PRKN: variants seen among roughly 807,000 people sequenced by gnomAD.
PRKN encodes the protein parkin RBR E3 ubiquitin protein ligase.
A neutral mutation model predicts 59.5 loss-of-function variants in PRKN; 56 were observed. The ratio of observed to expected loss-of-function variants is 0.94; its 90% CI spans 0.76 to 1.18. PRKN has a LOEUF of 1.18. PRKN is among the 50% of genes most tolerant of loss of function. The probability of loss-of-function intolerance (pLI) is 0.00; values close to 1 mark genes in which losing one functional copy is unlikely to be tolerated. For synonymous variants in PRKN, 250 were observed against 222.1 expected (o/e 1.13, Z -1.12); for missense variants, 657 against 596.4 (o/e 1.10, Z -1.06).
rs1469936567 is a variant in PRKN, at chr6:161,527,005, T to G, written c.1083+21849A>C. ...AACAAAGGCTATCTTGTTATACCGA[T>G]AGAAAGCCTCAGGAGTAGTAAAAGT... On this transcript the variant is annotated intron_variant, in intron 9 of 11. Transcript: ENST00000366898. This position sits in a 1 kb window ranked among gnomAD's most constrained non-coding sequence, Gnocchi z 4.6. Among the ~76,000 whole-genome samples, 1 of 152,174 alleles carries G rather than the reference T, an allele frequency of 6.6e-6. No homozygotes were observed. The highest frequency in any genetic ancestry group is 1.5e-5 in the Non-Finnish European group (1 of 68,034).
chr6:161,536,804 T>C (rs1281276194), intron 9 of PRKN, among the ~76,000 whole-genome samples: 4 of 152,216 alleles, frequency 2.6e-5, no homozygotes, highest in African/African-American at 9.6e-5. Context: ...TGTGCTTTTC[T>C]GAGGTCTTGC....
intron 4 of PRKN, among the ~76,000 whole-genome samples, chr6:162,098,830 G>T (rs886315690): frequency 1.4e-4 from 21 of 152,276 alleles, no homozygotes; most frequent in African/African-American, 5.1e-4. Flanking sequence ...AGCCTTGCAG[G>T]CTCAGGAAAG....
At chr6:162,507,518 A>G (rs192585031) in intron 1 of PRKN, among the ~76,000 whole-genome samples, 7 of 152,330 alleles carry the variant, frequency 4.6e-5, no homozygotes, top group African/African-American at 9.6e-5. Flanking sequence ...CTCAAATTCT[A>G]TTCAATGATT....
intron 7 of PRKN, among the ~76,000 whole-genome samples, chr6:161,754,001 G>A (rs563585871): frequency 7.8e-4 from 119 of 152,188 alleles, no homozygotes; most frequent in African/African-American, 7.9e-4. Context: ...GATCCCAGAC[G>A]GTGCCCAGTG....
rs76108469 is a variant in PRKN, at chr6:161,630,672, C to A, written c.872-61256G>T. On this transcript the variant is annotated intron_variant, in intron 7 of 11. Coordinates refer to ENST00000366898, the MANE Select transcript of PRKN (RefSeq NM_004562.3). The stretch of plus-strand genomic sequence containing the variant: ...TATGGCGCTCTCTGGATACCCTCTC[C>A]GCAGGCATCCACGGTTTTCTCTTGT... Among the ~76,000 whole-genome samples, 371 of 152,204 alleles carry A rather than the reference C, an allele frequency of 2.4e-3. 4 individuals are homozygous for A. Among genetic ancestry groups the A allele is most frequent in the African/African-American group, 8.6e-3 (356 of 41,538 alleles).
intron 7 of PRKN, among the ~76,000 whole-genome samples, chr6:161,670,619 T>C (rs914379340): frequency 6.6e-6 from 1 of 152,094 alleles, no homozygotes; most frequent in Non-Finnish European, 1.5e-5. Flanking sequence ...ATCGAGACCA[T>C]CCTGGCTAAC....
rs1269196221 is a variant in PRKN at position 162,339,025 on chromosome 6, C to T, written c.172-76260G>A. ...GAGACCCTCTGCCCGGCAACCACCCCGTCTGAGAAGTGAGGAGCCCCTCCG... is the reference window on the plus strand; with the variant it reads ...GAGACCCTCTGCCCGGCAACCACCCTGTCTGAGAAGTGAGGAGCCCCTCCG... On this transcript the variant is annotated intron_variant, in intron 2 of 11. Coordinates refer to ENST00000366898, the MANE Select transcript of PRKN (RefSeq NM_004562.3). 3.3e-5 allele frequency among the ~76,000 whole-genome samples: 5 copies of T among 149,766 alleles called. 1 individual carries two copies. The highest frequency in any genetic ancestry group is 6.0e-5 in the Non-Finnish European group (4 of 67,222).
chr6:161,980,516 T>C (rs1781220998), intron 5 of PRKN, among the ~76,000 whole-genome samples: 2 of 152,164 alleles, frequency 1.3e-5, no homozygotes, highest in Admixed American at 6.5e-5. Flanking sequence ...ACAGAAGAAC[T>C]AAACAGAGAA....
intron 4 of PRKN, among the ~76,000 whole-genome samples, chr6:162,121,112 C>A (rs1441876967): frequency 6.6e-6 from 1 of 152,160 alleles, no homozygotes; most frequent in Non-Finnish European, 1.5e-5. Context: ...CCACATAGCA[C>A]CTGCACTTTT....
chr6:162,364,977 CTCTT>C lies in PRKN; in HGVS notation c.171+78329_171+78332del, dbSNP rs1415920363. 2.0e-4 allele frequency among the ~76,000 whole-genome samples: 27 copies of C among 138,180 alleles called. 1 individual carries two copies. Among genetic ancestry groups the C allele is most frequent in the East Asian group, 8.1e-4 (4 of 4,936 alleles). 90.7% of individuals were successfully genotyped at this position (138,180 alleles called of 152,430 possible). ...CTCTCTTCTCCCTCTCTCTCTCTCT[CTCTT>C]TTTTTTTTTTTTTTGCCAATATGTA... On this transcript the variant is annotated intron_variant, in intron 2 of 11. Coordinates refer to ENST00000366898, the MANE Select transcript of PRKN (RefSeq NM_004562.3).
At chr6:161,687,445 CT>C (rs895940232) in intron 7 of PRKN, among the ~76,000 whole-genome samples, 27 of 125,272 alleles carry the variant, frequency 2.2e-4, no homozygotes, top group African/African-American at 6.6e-4. Flanking sequence ...TAAGATATAT[CT>C]TTTTTTTTAA....
intron 2 of PRKN, among the ~76,000 whole-genome samples, chr6:162,347,862 C>T (rs1405982559): frequency 6.6e-6 from 1 of 152,020 alleles, no homozygotes; most frequent in Non-Finnish European, 1.5e-5. Context: ...ACTAACAATC[C>T]CTAAGAGACA....
Position 161,607,896 on chromosome 6 carries a change from C to T in PRKN, c.872-38480G>A, listed in dbSNP as rs1400372491. 3.3e-5 allele frequency among the ~76,000 whole-genome samples: 5 copies of T among 152,142 alleles called. No homozygotes were observed. In the East Asian group the frequency reaches 7.7e-4, roughly 23 times the overall value. On this transcript the variant is annotated intron_variant, in intron 7 of 11. Coordinates refer to ENST00000366898, the MANE Select transcript of PRKN (RefSeq NM_004562.3). ...AAATGGATGATGGGCTGGGGGAGAA[C>T]AGGAACAAGAATCAGAATGGCCTTG...
At chr6:162,026,448 C>T (rs894551165) in intron 5 of PRKN, among the ~76,000 whole-genome samples, 1 of 152,196 alleles carries the variant, frequency 6.6e-6, no homozygotes, top group African/African-American at 2.4e-5. Context: ...TTCATGAACA[C>T]GTATGTCCTG....
intron 1 of PRKN, among the ~76,000 whole-genome samples, chr6:162,617,587 GC>G (rs1782483309): frequency 4.1e-5 from 1 of 24,398 alleles, no homozygotes; most frequent in Non-Finnish European, 7.7e-5. Flanking sequence ...CTTCTGTCTA[GC>G]TAGCTAGAAC....
At chr6:162,582,905 TATGGCTTAC>T (rs1289852148) in intron 1 of PRKN, among the ~76,000 whole-genome samples, 3 of 152,224 alleles carry the variant, frequency 2.0e-5, no homozygotes, top group African/African-American at 7.2e-5. Flanking sequence ...ATGTGATTGC[TATGGCTTAC>T]ATGTCTGTCC....
intron 6 of PRKN, among the ~76,000 whole-genome samples, chr6:161,896,339 C>T (rs565076285): frequency 1.3e-5 from 2 of 152,318 alleles, no homozygotes; most frequent in South Asian, 4.1e-4. Flanking sequence ...CTTCCATTCC[C>T]TGTCTTTTAG....
At chr6:162,224,674 C>A (rs1341606442) in intron 3 of PRKN, among the ~76,000 whole-genome samples, 4 of 149,996 alleles carry the variant, frequency 2.7e-5, no homozygotes, top group Non-Finnish European at 5.9e-5. Context: ...AGGAATCTAT[C>A]TTGAGGGAAG....
At chr6:161,612,893 T>TA (rs1782539886) in intron 7 of PRKN, among the ~76,000 whole-genome samples, 1 of 152,184 alleles carries the variant, frequency 6.6e-6, no homozygotes, top group South Asian at 2.1e-4. Flanking sequence ...TTCAAAATAT[T>TA]ACTGCTCAAT....
Sources: allele counts gnomAD v4.1 joint callset (sites outside exome capture counted in the v4.1 genomes callset), GRCh38; gene constraint gnomAD v4.1.1; non-coding constraint Gnocchi (gnomAD v3.1); transcripts MANE v1.5; gene names NCBI Gene and HGNC (gene_info 2026-07-23, HGNC 2026-07-21).